TLL1: variants seen among roughly 807,000 people sequenced by gnomAD.
The protein encoded by TLL1 is tolloid-like protein 1.
Under a neutral mutation model 128.2 loss-of-function variants are expected in TLL1, and 49 were observed. The ratio of observed to expected loss-of-function variants is 0.38; its 90% CI spans 0.30 to 0.48. The LOEUF (loss-of-function observed/expected upper bound fraction) is 0.48. Among genes scored for constraint, TLL1 ranks in the 20% least tolerant of loss-of-function variants. The pLI is 0.96. For synonymous variants in TLL1, 454 were observed against 418.8 expected, an observed-to-expected ratio of 1.08 and a Z score of -1.03; for missense variants, 1,123 against 1,242.0, an observed-to-expected ratio of 0.90 and a Z score of 1.44.
At position 165,873,581 on chromosome 4, in the gene TLL1, TGGCA is replaced by T. The variant is rs1251480201; in HGVS notation, c.-320_-317del. 1 of 200,526 alleles carries T rather than the reference TGGCA, an allele frequency of 5.0e-6. No individual in the cohort carries two copies. The highest frequency in any genetic ancestry group is 1.0e-5 in the Non-Finnish European group (1 of 99,904). The allele number at this position is 200,526 out of a possible 1,614,324, so 12.4% of individuals were successfully genotyped here. ...AAGTTCGGCAGCCAGAAGGACGACC[TGGCA>T]GGCTGCGAGCGCCAGCGCCGCCAGA... is the stretch of plus-strand genomic sequence containing the variant. On this transcript the variant is annotated 5_prime_UTR_variant, in exon 1 of 21. Coordinates refer to ENST00000061240, the MANE Select transcript of TLL1 (RefSeq NM_012464.5).
intron 13 of TLL1, among the ~76,000 whole-genome samples, chr4:166,055,691 C>T (rs1228084139): frequency 6.6e-6 from 1 of 152,144 alleles, no homozygotes; most frequent in Non-Finnish European, 1.5e-5. Context: ...TTATGACCTC[C>T]TTAGCAGAAT....
intron 1 of TLL1, among the ~76,000 whole-genome samples, chr4:165,945,789 C>T (rs1734217108): frequency 6.6e-6 from 1 of 152,062 alleles, no homozygotes; most frequent in Non-Finnish European, 1.5e-5. Context: ...GTCTTGCCAC[C>T]TCCACCCCAA....
intron 1 of TLL1, among the ~76,000 whole-genome samples, chr4:165,882,628 A>G (rs750252941): frequency 3.3e-5 from 5 of 151,618 alleles, no homozygotes; most frequent in Non-Finnish European, 5.9e-5. Context: ...GTTTCTTTCA[A>G]TTTTTTTTGA....
chr4:165,995,426 T>TC (rs780866643), intron 5 of TLL1, among the ~76,000 whole-genome samples: 17 of 152,270 alleles, frequency 1.1e-4, no homozygotes, highest in Non-Finnish European at 2.4e-4. Flanking sequence ...ATTACCAACA[T>TC]CCCACTCACC....
intron 8 of TLL1, among the ~76,000 whole-genome samples, chr4:166,020,065 G>T (rs140915973): frequency 3.3e-5 from 5 of 152,118 alleles, no homozygotes; most frequent in African/African-American, 4.8e-5. Flanking sequence ...GCATTGTTGT[G>T]TTAAGAAAGA....
At chr4:166,063,046 A>G (rs1246641108) in intron 15 of TLL1, among the ~76,000 whole-genome samples, 3 of 152,142 alleles carry the variant, frequency 2.0e-5, no homozygotes, top group Non-Finnish European at 1.5e-5. Context: ...CATCAGAGTG[A>G]ACAGGTAACC....
chr4:166,061,313 T>A (rs1374361261), intron 15 of TLL1, among the ~76,000 whole-genome samples: 5 of 151,522 alleles, frequency 3.3e-5, no homozygotes, highest in African/African-American at 1.2e-4. Flanking sequence ...TGGTGCTATC[T>A]TGACTCACTG....
intron 15 of TLL1, among the ~76,000 whole-genome samples, chr4:166,063,414 A>C: frequency 6.6e-6 from 1 of 152,212 alleles, no homozygotes; most frequent in Non-Finnish European, 1.5e-5. Flanking sequence ...TAGTTCAACC[A>C]TTGTGGAAGA....
chr4:165,899,356 T>C (rs998406888), intron 1 of TLL1, among the ~76,000 whole-genome samples: 2 of 152,224 alleles, frequency 1.3e-5, no homozygotes, highest in Non-Finnish European at 2.9e-5. Context: ...CCTATGGGCA[T>C]TTAGTGCTAT....
At chr4:166,000,305 A>G (rs1055905373) in intron 5 of TLL1, among the ~76,000 whole-genome samples, 1 of 152,204 alleles carries the variant, frequency 6.6e-6, no homozygotes, top group African/African-American at 2.4e-5. Context: ...GCATATATGT[A>G]GTTATTTTCT....
chr4:166,012,126 G>T (rs72697370), intron 7 of TLL1, among the ~76,000 whole-genome samples: 4,022 of 151,514 alleles, frequency 0.027, 83 homozygotes, highest in Non-Finnish European at 0.04. Context: ...CATTTAAAAA[G>T]TCGTAAAATT....
Position 166,100,825 on chromosome 4 carries a change from T to G in TLL1, c.2991T>G (p.His997Gln). 6.2e-7 allele frequency: 1 copy of G among 1,612,962 alleles called. No individual in the cohort carries two copies. The highest frequency in any genetic ancestry group is 8.5e-7 in the Non-Finnish European group (1 of 1,179,336). ...ACACAATCAACAAGAAGGGATTTCA[T>G]ATAAGATACAAAAGCATAAGATATC... is the stretch of plus-strand genomic sequence containing the variant. ...TDDTINKKGF[H>Q]IRYKSIRYPD... Residue 997 changes from histidine to glutamine, a missense_variant, in exon 21 of 21, where the codon CAT becomes CAG. His to Gln is a conservative substitution (Grantham distance 24). Around this residue, in one of 3 missense-constraint regions of TLL1, gnomAD observed 634 missense variants for 672.4 expected, o/e 0.94. Transcript: ENST00000061240.
At chr4:165,988,711 T>C (rs1453183694) in intron 1 of TLL1, among the ~76,000 whole-genome samples, 1 of 152,080 alleles carries the variant, frequency 6.6e-6, no homozygotes, top group African/African-American at 2.4e-5. Flanking sequence ...CTTGAAAATA[T>C]GGACCGTGTT....
chr4:166,043,287 T>C lies in TLL1; in HGVS notation c.1392T>C (p.Gly464=). 6.2e-7 allele frequency: 1 copy of C among 1,613,770 alleles called. No homozygotes were observed. Among genetic ancestry groups the C allele is most frequent in the Non-Finnish European group, 8.5e-7 (1 of 1,179,726 alleles). ...GGCTTTCTTCAGCGATCTGTGGAGG[T>C]GAGATACGTAAAAATGAAGGACAGA... ...FAAVYEAICG[G]EIRKNEGQIQ... is the part of the protein sequence containing the mutation. The change falls in exon 12 of 21, where the codon GGT becomes GGC. Residue 464 remains glycine (G), a synonymous_variant. Coordinates refer to ENST00000061240, the MANE Select transcript of TLL1 (RefSeq NM_012464.5).
chr4:165,980,098 C>CCTTGTT (rs1736085897), intron 1 of TLL1, among the ~76,000 whole-genome samples: 1 of 152,118 alleles, frequency 6.6e-6, no homozygotes, highest in South Asian at 2.1e-4. Flanking sequence ...AAGTAATCTT[C>CCTTGTT]CTTGTTCTGG....
At chr4:165,911,751 T>TA (rs1732542464) in intron 1 of TLL1, among the ~76,000 whole-genome samples, 1 of 152,234 alleles carries the variant, frequency 6.6e-6, no homozygotes, top group Non-Finnish European at 1.5e-5. Flanking sequence ...ATTTCATTCA[T>TA]AAAATGCATT....
intron 18 of TLL1, among the ~76,000 whole-genome samples, chr4:166,081,211 T>C (rs1245247629): frequency 2.0e-5 from 3 of 152,250 alleles, no homozygotes; most frequent in East Asian, 1.9e-4. Context: ...GTAGGTTTTG[T>C]TTTTGGTTTT....
intron 9 of TLL1, chr4:166,030,485 G>A (rs1738717858): frequency 1.6e-6 from 1 of 614,528 alleles, no homozygotes; most frequent in African/African-American, 1.8e-5. Context: ...TGTGTCTTCT[G>A]ATGAACACAA....
intron 1 of TLL1, among the ~76,000 whole-genome samples, chr4:165,964,277 G>A (rs531697149): frequency 1.3e-5 from 2 of 152,220 alleles, no homozygotes; most frequent in East Asian, 3.9e-4. Context: ...TGATTTAATA[G>A]GCTGTTGTGT....
Sources: allele counts gnomAD v4.1 joint callset (sites outside exome capture counted in the v4.1 genomes callset), GRCh38; gene constraint gnomAD v4.1.1; regional missense constraint gnomAD v4.1.1; transcripts MANE v1.5; gene names NCBI Gene and HGNC (gene_info 2026-07-23, HGNC 2026-07-21).